The following TENM2 variants were observed in gnomAD, a reference collection of about 807,000 sequenced individuals.
The protein encoded by TENM2 is teneurin-2.
Under a neutral mutation model 245.2 loss-of-function variants are expected in TENM2, and 52 were observed. The ratio of observed to expected loss-of-function variants is 0.21; its 90% CI spans 0.17 to 0.27. TENM2 has a LOEUF of 0.27. TENM2 is among the 10% of genes least tolerant of loss of function. The pLI is 1.00. For synonymous variants in TENM2, 1,363 were observed against 1,438.9 expected, an observed-to-expected ratio of 0.95 and a Z score of 1.19; for missense variants, 3,046 against 3,666.8, an observed-to-expected ratio of 0.83 and a Z score of 4.37.
chr5:167,180,831 A>C, the TENM2 span, among the ~76,000 whole-genome samples: 1 of 151,688 alleles, frequency 6.6e-6, no homozygotes, highest in African/African-American at 2.4e-5. Context: ...CAAGCCTAGG[A>C]GGGGGAGAAA....
intron 2 of TENM2, among the ~76,000 whole-genome samples, chr5:167,479,087 G>A (rs1376426517): frequency 6.6e-6 from 1 of 151,992 alleles, no homozygotes; most frequent in Non-Finnish European, 1.5e-5. Context: ...GAGTATAGTA[G>A]ATATAAGCAG....
At chr5:167,168,147 A>T in the TENM2 span, 14 of 152,182 alleles carry the variant, frequency 9.2e-5, no homozygotes, top group Non-Finnish European at 2.1e-4. Context: ...CATCAACTTC[A>T]AGTTAGTTAT....
intron 12 of TENM2, among the ~76,000 whole-genome samples, chr5:168,148,370 C>A (rs554519173): frequency 1.1e-4 from 16 of 152,282 alleles, no homozygotes; most frequent in Admixed American, 2.0e-4. Flanking sequence ...ATTCTGAATA[C>A]CATTGTACAA....
chr5:167,621,348 A>T (rs1778160847), intron 2 of TENM2, among the ~76,000 whole-genome samples: 1 of 152,158 alleles, frequency 6.6e-6, no homozygotes, highest in Non-Finnish European at 1.5e-5. Context: ...AGGGGTAGGG[A>T]CATTTGAGCT....
At chr5:167,236,721 C>G in the TENM2 span, among the ~76,000 whole-genome samples, 1 of 152,132 alleles carries the variant, frequency 6.6e-6, no homozygotes, top group Admixed American at 6.6e-5. Context: ...TCTAGGCAAG[C>G]AAGTTATGGA....
At chr5:167,014,500 G>A in the TENM2 span, among the ~76,000 whole-genome samples, 1 of 152,090 alleles carries the variant, frequency 6.6e-6, no homozygotes, top group Non-Finnish European at 1.5e-5. Flanking sequence ...TGATCGTGTT[G>A]GCAGGTCTAT....
chr5:168,197,784 G>A (rs1352395972), intron 15 of TENM2, among the ~76,000 whole-genome samples: 1 of 150,896 alleles, frequency 6.6e-6, no homozygotes, highest in Non-Finnish European at 1.5e-5. Context: ...TAACGTCCTT[G>A]TTTTCTGTTA....
intron 5 of TENM2, among the ~76,000 whole-genome samples, chr5:168,020,787 T>C (rs1286145694): frequency 6.6e-6 from 1 of 152,196 alleles, no homozygotes; most frequent in Non-Finnish European, 1.5e-5. Flanking sequence ...TGACGGAATA[T>C]TTCCTCTGCC....
intron 2 of TENM2, among the ~76,000 whole-genome samples, chr5:167,872,330 GAAAGAAAGAAAGAAA>G (rs1561880253): frequency 3.3e-5 from 2 of 61,420 alleles, no homozygotes; most frequent in African/African-American, 4.9e-5. Flanking sequence ...AAGAAAGAAA[GAAAGAAAGAAAGAAA>G]GAAAGAAAGG....
intron 2 of TENM2, among the ~76,000 whole-genome samples, chr5:167,595,171 A>G (rs1042798634): frequency 6.6e-6 from 1 of 152,176 alleles, no homozygotes; most frequent in Non-Finnish European, 1.5e-5. Context: ...ACAGCCTCTC[A>G]CTTATTAAAA....
chr5:167,952,778 T>G lies in TENM2; in HGVS notation c.903T>G (p.Leu301=), dbSNP rs370358213. ...CCACCACACCAGAGTCCGTTCAGCTTCAGGACAGCTGGGTGCTAAACAGCA... is the reference window on the plus strand; with the variant it reads ...CCACCACACCAGAGTCCGTTCAGCTGCAGGACAGCTGGGTGCTAAACAGCA... Residue 301 remains leucine, a synonymous_variant, in exon 4 of 29, where the codon CTT becomes CTG. Coordinates refer to ENST00000518659, the Ensembl canonical transcript of TENM2. The G allele has an allele frequency of 1.1e-5, 18 of 1,572,134 alleles. No individual in the cohort carries two copies. The African/African-American group carries it at 1.6e-4, about 14-fold the overall frequency.
the TENM2 span, among the ~76,000 whole-genome samples, chr5:167,250,286 A>G: frequency 6.6e-6 from 1 of 152,032 alleles, no homozygotes; most frequent in African/African-American, 2.4e-5. Context: ...CTGCCACTGC[A>G]CTCCAGCCTG....
rs1040781188 is a variant in TENM2 at position 167,296,287 on chromosome 5, A to G, written c.226+11224A>G. On this transcript the variant is annotated intron_variant, in intron 1 of 28. Coordinates refer to ENST00000518659, the Ensembl canonical transcript of TENM2. ...GTCCCAGTGGGATACATTTCAGTTT[A>G]AAAATAGTCTGAAGCACTTTCTTTC... 7 of 152,182 alleles carry G rather than the reference A, an allele frequency of 4.6e-5. No individual in the cohort carries two copies. In the South Asian group the frequency reaches 1.4e-3, roughly 31 times the overall value. The allele number at this position is 152,182 out of a possible 1,614,324, so 9.4% of individuals were successfully genotyped here. A position where few individuals can be genotyped will look rare whatever the true frequency, so the allele number is the denominator to read the frequency against.
intron 1 of TENM2, among the ~76,000 whole-genome samples, chr5:167,338,269 A>G (rs1757895207): frequency 6.6e-6 from 1 of 152,096 alleles, no homozygotes; most frequent in Admixed American, 6.5e-5. Flanking sequence ...TCCTATATTT[A>G]TTTATTTCCC....
chr5:167,538,864 C>G (rs1482536574), intron 2 of TENM2, among the ~76,000 whole-genome samples: 1 of 152,130 alleles, frequency 6.6e-6, no homozygotes, highest in African/African-American at 2.4e-5. Flanking sequence ...TGTCGAAACG[C>G]AGAAGGCAAA....
chr5:168,229,037 A>G (rs946579128), intron 25 of TENM2, among the ~76,000 whole-genome samples: 1 of 148,064 alleles, frequency 6.8e-6, no homozygotes, highest in African/African-American at 2.5e-5. Context: ...ACATTACATT[A>G]TATATAATTA....
chr5:167,162,636 A>C, the TENM2 span, among the ~76,000 whole-genome samples: 1 of 146,838 alleles, frequency 6.8e-6, no homozygotes, highest in Non-Finnish European at 1.5e-5. Flanking sequence ...AAAAAAAAAA[A>C]ACAACAAAAA....
intron 2 of TENM2, among the ~76,000 whole-genome samples, chr5:167,481,155 A>G (rs956568269): frequency 6.6e-6 from 1 of 152,154 alleles, no homozygotes; most frequent in Admixed American, 6.5e-5. Context: ...TTTAAAAAGG[A>G]TATATAATTA....
intron 6 of TENM2, among the ~76,000 whole-genome samples, chr5:168,047,981 A>G (rs1386234114): frequency 6.6e-6 from 1 of 152,232 alleles, no homozygotes; most frequent in African/African-American, 2.4e-5. Context: ...TCCCTCTCCC[A>G]GGAGACATGC....
Sources: allele counts gnomAD v4.1 joint callset (sites outside exome capture counted in the v4.1 genomes callset), GRCh38; gene constraint gnomAD v4.1.1; transcripts MANE v1.5; gene names NCBI Gene and HGNC (gene_info 2026-07-23, HGNC 2026-07-21).